The following EBF3 variants were observed in gnomAD, a reference collection of about 807,000 sequenced individuals.
EBF3 encodes the protein EBF transcription factor 3.
In EBF3, 18 loss-of-function variants were observed where a neutral mutation model predicts 77.1. The ratio of observed to expected loss-of-function variants is 0.23; its 90% CI spans 0.16 to 0.35. The LOEUF (loss-of-function observed/expected upper bound fraction) is 0.35. EBF3 is among the 10% of genes least tolerant of loss of function. The pLI is 1.00. For synonymous variants in EBF3, 350 were observed against 343.5 expected (o/e 1.02, Z -0.21); for missense variants, 558 against 860.0 (o/e 0.65, Z 4.39).
At position 129,923,403 on chromosome 10, in the gene EBF3, C is replaced by T. The variant is rs572941624; in HGVS notation, c.554+33855G>A. Among the ~76,000 whole-genome samples the T allele has an allele frequency of 3.9e-5, 6 of 152,324 alleles. 1 individual carries two copies. In the South Asian group the frequency reaches 1.2e-3, roughly 32 times the overall value. On this transcript the variant is annotated intron_variant, in intron 6 of 16. Coordinates refer to ENST00000440978, the MANE Select transcript of EBF3 (RefSeq NM_001375380.1). ...GATTTCAAACCTTACTACAAAGCTA[C>T]AGTAACCAAAACAGTGTGGTGCTGG...
Position 129,841,970 on chromosome 10 carries a change from C to G in EBF3, c.1372+146G>C. On this transcript the variant is annotated intron_variant, in intron 13 of 16. Coordinates refer to ENST00000440978, the MANE Select transcript of EBF3 (RefSeq NM_001375380.1). This position sits in a 1 kb window ranked among gnomAD's most constrained non-coding sequence, Gnocchi z 4.6. ...TGGGAGGACCTGCAGCAAGGTCTTC[C>G]TGAGCAAAGGAACCAGCAGAGCCAG... 1 of 1,094,694 alleles carries G rather than the reference C, an allele frequency of 9.1e-7. No individual in the cohort carries two copies. Among genetic ancestry groups the G allele is most frequent in the Non-Finnish European group, 1.3e-6 (1 of 777,696 alleles). The allele number at this position is 1,094,694 out of a possible 1,614,324, so 67.8% of individuals were successfully genotyped here.
At chr10:129,838,776 T>C (rs1207259893) in intron 16 of EBF3, among the ~76,000 whole-genome samples, 2 of 152,284 alleles carry the variant, frequency 1.3e-5, no homozygotes, top group South Asian at 2.1e-4. Context: ...CATTTGTTCA[T>C]GTAGTGACGT....
intron 6 of EBF3, among the ~76,000 whole-genome samples, chr10:129,936,115 A>C (rs569792991): frequency 1.5e-4 from 23 of 152,222 alleles, no homozygotes; most frequent in Non-Finnish European, 3.4e-4. Context: ...AATTATATAG[A>C]ATTCCATTTA....
chr10:129,850,840 G>GC (rs1850824271), intron 10 of EBF3, among the ~76,000 whole-genome samples: 2 of 152,148 alleles, frequency 1.3e-5, no homozygotes, highest in South Asian at 2.1e-4. Flanking sequence ...CTGGCCCACA[G>GC]CCCCCCAAAC....
At chr10:129,902,193 A>T (rs1376916091) in intron 6 of EBF3, among the ~76,000 whole-genome samples, 3 of 151,554 alleles carry the variant, frequency 2.0e-5, no homozygotes, top group Non-Finnish European at 4.4e-5. Flanking sequence ...TGTCCTCCAC[A>T]ACTAGTTAGC....
At position 129,848,843 on chromosome 10, in the gene EBF3, G is replaced by C. The variant is rs915863877; in HGVS notation, c.1040-363C>G. Among the ~76,000 whole-genome samples the C allele has an allele frequency of 1.3e-5, 2 of 152,168 alleles. No homozygotes were observed. Among genetic ancestry groups the C allele is most frequent in the Non-Finnish European group, 2.9e-5 (2 of 68,032 alleles). The stretch of plus-strand genomic sequence containing the variant: ...TTCCACACTGGCCAGGGATTTATGG[G>C]AAACTGGCAATTATGACATATGTCC... On this transcript the variant is annotated intron_variant, in intron 10 of 16. Transcript: ENST00000440978. The surrounding 1 kb of genome is among the most constrained non-coding windows in gnomAD (Gnocchi z 4.4).
chr10:129,963,561 C>T lies in EBF3; in HGVS notation c.135-38G>A. 1 of 1,312,276 alleles carries T rather than the reference C, an allele frequency of 7.6e-7. No individual in the cohort carries two copies. The highest frequency in any genetic ancestry group is 9.8e-7 in the Non-Finnish European group (1 of 1,023,212). 81.3% of individuals were successfully genotyped at this position (1,312,276 alleles called of 1,614,324 possible). A position where few individuals can be genotyped will look rare whatever the true frequency, so the allele number is the denominator to read the frequency against. On this transcript the variant is annotated intron_variant, in intron 1 of 16. Coordinates refer to ENST00000440978, the MANE Select transcript of EBF3 (RefSeq NM_001375380.1). The surrounding 1 kb of genome is among the most constrained non-coding windows in gnomAD (Gnocchi z 7.1). ...AGAGACAGCGGCCCGGTGAGGAGCG[C>T]GGCGCCGGCCGGCGGAGGGGGCCGG... is the stretch of plus-strand genomic sequence containing the variant.
intron 5 of EBF3, among the ~76,000 whole-genome samples, chr10:129,958,244 T>C (rs1859189075): frequency 6.6e-6 from 1 of 152,240 alleles, no homozygotes; most frequent in Non-Finnish European, 1.5e-5. Flanking sequence ...CCTCAGAGTA[T>C]GCGGCCTGCT....
intron 10 of EBF3, among the ~76,000 whole-genome samples, chr10:129,862,607 A>T (rs1196141909): frequency 6.6e-6 from 1 of 152,180 alleles, no homozygotes; most frequent in African/African-American, 2.4e-5. Context: ...ACCTCTCCCA[A>T]CCGGCCTCAG....
intron 10 of EBF3, among the ~76,000 whole-genome samples, chr10:129,850,598 C>G (rs772256242): frequency 6.6e-6 from 1 of 152,202 alleles, no homozygotes; most frequent in Non-Finnish European, 1.5e-5. Context: ...CATTCCAGCT[C>G]TAAATCCCTT....
Position 129,841,441 on chromosome 10 carries a change from G to A in EBF3, c.1373-409C>T, listed in dbSNP as rs1236889865. On this transcript the variant is annotated intron_variant, in intron 13 of 16. Transcript: ENST00000440978. The surrounding 1 kb of genome is among the most constrained non-coding windows in gnomAD (Gnocchi z 4.6). ...CGTAACTTCCCCTGAAAGGCTGTTT[G>A]GGGGTCTTCATTTGTATGGTTGTTA... Among the ~76,000 whole-genome samples, 2 of 152,176 alleles carry A rather than the reference G, an allele frequency of 1.3e-5. No individual in the cohort carries two copies. The highest frequency in any genetic ancestry group is 2.9e-5 in the Non-Finnish European group (2 of 68,038).
rs982604747 is a variant in EBF3 at position 129,842,041 on chromosome 10, T to TGCCTCTTCAGCTAAG, written c.1372+60_1372+74dup. On this transcript the variant is annotated intron_variant, in intron 13 of 16. Coordinates refer to ENST00000440978, the MANE Select transcript of EBF3 (RefSeq NM_001375380.1). The surrounding 1 kb of genome is among the most constrained non-coding windows in gnomAD (Gnocchi z 4.4). ...CATTCCCCAGCTGGCCCTGGACACG[T>TGCCTCTTCAGCTAAG]GCCTCTTCAGCTAAGGCCTCAACCA... 2 of 1,588,786 alleles carry TGCCTCTTCAGCTAAG rather than the reference T, an allele frequency of 1.3e-6. No homozygotes were observed. The highest frequency in any genetic ancestry group is 1.7e-5 in the Admixed American group (1 of 59,160).
At chr10:129,887,327 T>TA (rs1180704997) in intron 6 of EBF3, among the ~76,000 whole-genome samples, 2 of 152,222 alleles carry the variant, frequency 1.3e-5, no homozygotes, top group Non-Finnish European at 2.9e-5. Flanking sequence ...TAATGTATAA[T>TA]ATATGGCTCT....
chr10:129,838,737 C>T (rs1849789846), intron 16 of EBF3, among the ~76,000 whole-genome samples: 1 of 152,278 alleles, frequency 6.6e-6, no homozygotes. Flanking sequence ...AATGATCGTT[C>T]TCATTAATTT....
intron 6 of EBF3, among the ~76,000 whole-genome samples, chr10:129,934,170 C>T (rs973954268): frequency 2.6e-5 from 4 of 152,010 alleles, no homozygotes; most frequent in Non-Finnish European, 4.4e-5. Flanking sequence ...TATTAATATC[C>T]CCCCTCTCCA....
chr10:129,913,592 C>T (rs190420247), intron 6 of EBF3, among the ~76,000 whole-genome samples: 55 of 152,362 alleles, frequency 3.6e-4, no homozygotes, highest in Non-Finnish European at 5.7e-4. Context: ...ACCTCGAGCA[C>T]CCCCAGAGCT....
Position 129,863,364 on chromosome 10 carries a change from G to A in EBF3, c.1039+3777C>T, listed in dbSNP as rs1308500715. On this transcript the variant is annotated intron_variant, in intron 10 of 16. Transcript: ENST00000440978. This position sits in a 1 kb window ranked among gnomAD's most constrained non-coding sequence, Gnocchi z 4.0. The stretch of plus-strand genomic sequence containing the variant: ...TAGGAGTTGAAAGCAGCAGGCAAAA[G>A]GGCCTGGATGGATGGGGCCTGGCCT... 6.6e-6 allele frequency among the ~76,000 whole-genome samples: 1 copy of A among 152,218 alleles called. No individual in the cohort carries two copies. Among genetic ancestry groups the A allele is most frequent in the Non-Finnish European group, 1.5e-5 (1 of 68,030 alleles).
At chr10:129,956,950 T>A (rs536988485) in intron 6 of EBF3, among the ~76,000 whole-genome samples, 1 of 152,370 alleles carries the variant, frequency 6.6e-6, no homozygotes, top group South Asian at 2.1e-4. Context: ...AAGCATTTTA[T>A]GACACATCTC....
In EBF3 at chr10:129,963,000, T is replaced by C; in HGVS notation, c.297A>G (p.Pro99=). 1 of 1,614,174 alleles carries C rather than the reference T, an allele frequency of 6.2e-7. No individual in the cohort carries two copies. The highest frequency in any genetic ancestry group is 1.7e-5 in the Admixed American group (1 of 60,024). Residue 99 remains proline, a synonymous_variant, in exon 3 of 17, where the codon CCA becomes CCG. Coordinates refer to ENST00000440978, the MANE Select transcript of EBF3 (RefSeq NM_001375380.1). ...FVDFVEKEKE[P]NNEKTNNGIH... is the part of the protein sequence containing the mutation. ...TGCCGTTGTTGGTTTTCTCGTTGTT[T>C]GGCTCCTGAAAGTAACGATAAATAA...
Sources: allele counts gnomAD v4.1 joint callset (sites outside exome capture counted in the v4.1 genomes callset), GRCh38; gene constraint gnomAD v4.1.1; non-coding constraint Gnocchi (gnomAD v3.1); transcripts MANE v1.5; gene names NCBI Gene and HGNC (gene_info 2026-07-23, HGNC 2026-07-21).